The following C16orf89 variants were observed in gnomAD, a reference collection of about 807,000 sequenced individuals.
C16orf89 encodes UPF0764 protein C16orf89.
C16orf89 carries 57 observed loss-of-function variants against 41.5 expected under a neutral mutation model. That is an observed-to-expected ratio of 1.38 (90% CI 1.11 to 1.71). The LOEUF (loss-of-function observed/expected upper bound fraction) is 1.71. Among genes scored for constraint, C16orf89 ranks in the 40% most tolerant of loss-of-function variants. The pLI, the probability that C16orf89 is intolerant of heterozygous loss-of-function variation, is 0.00. For missense variants in C16orf89, 575 were observed against 445.9 expected (o/e 1.29, Z -2.61); for synonymous variants, 223 against 190.6 (o/e 1.17, Z -1.40).
Position 5,065,844 on chromosome 16 carries a change from G to C in C16orf89, c.65C>G (p.Ser22Ter). 6.2e-7 allele frequency: 1 copy of C among 1,614,248 alleles called. No homozygotes were observed. Among genetic ancestry groups the C allele is most frequent in the East Asian group, 2.2e-5 (1 of 44,892 alleles). The change falls in exon 1 of 8, where the codon TCA (serine) becomes TGA (stop). Residue 22 changes from serine to a stop codon, truncating the protein, a stop_gained. Coordinates refer to ENST00000472572, the MANE Select transcript of C16orf89 (RefSeq NM_001098514.3). LOFTEE classifies it high-confidence loss of function. ...TTCAGCAGTGTCCAGCCCAGGCAGT[G>C]AGGAGGACCACAGCGGTGGCAGTGC... ...LTALPPLWSS[S>*]LPGLDTAESK...
At position 5,055,781 on chromosome 16, in the gene C16orf89, A is replaced by C. The variant is rs79730909; in HGVS notation, c.763+272T>G. ...GGTAAAATACAGGATGCCCAGTTAC[A>C]TTTGAGTTTTCGATAAACAATGAAT... On this transcript the variant is annotated intron_variant, in intron 5 of 7. Transcript: ENST00000472572. 3.7e-3 allele frequency: 5,512 copies of C among 1,495,296 alleles called. 60 individuals are homozygous for C. Among genetic ancestry groups the C allele is most frequent in the African/African-American group, 0.032 (2,275 of 72,194 alleles). 92.6% of individuals were successfully genotyped at this position (1,495,296 alleles called of 1,614,324 possible).
intron 6 of C16orf89, among the ~76,000 whole-genome samples, chr16:5,050,193 C>A (rs570810596): frequency 3.9e-5 from 6 of 152,198 alleles, no homozygotes; most frequent in Admixed American, 3.9e-4. Context: ...TATGATGAAA[C>A]TCAGTCTTTA....
chr16:5,048,124 C>G (rs1022135083), intron 6 of C16orf89, among the ~76,000 whole-genome samples, 160 bp from the exon 7 acceptor site: 3 of 152,152 alleles, frequency 2.0e-5, no homozygotes, highest in Non-Finnish European at 4.4e-5. Context: ...AACTCCCAAG[C>G]TCACAGAATC....
chr16:5,046,570 C>A (rs1956302038), intron 7 of C16orf89, among the ~76,000 whole-genome samples: 1 of 152,032 alleles, frequency 6.6e-6, no homozygotes, highest in African/African-American at 2.4e-5. Flanking sequence ...AGGCTGGTCT[C>A]AAACTTCTGA....
intron 6 of C16orf89, among the ~76,000 whole-genome samples, chr16:5,049,242 A>T (rs1186742775): frequency 6.6e-6 from 1 of 152,238 alleles, no homozygotes; most frequent in Non-Finnish European, 1.5e-5. Flanking sequence ...ATAGACTCCA[A>T]TACAATAATA....
chr16:5,048,159 G>T (rs1441400500), intron 6 of C16orf89, among the ~76,000 whole-genome samples, 195 bp from the exon 7 acceptor site: 1 of 152,048 alleles, frequency 6.6e-6, no homozygotes, highest in African/African-American at 2.4e-5. Context: ...CTACCAAGTA[G>T]CTCGGACTAC....
At chr16:5,054,313 C>T (rs1024345469) in intron 6 of C16orf89, among the ~76,000 whole-genome samples, 10 of 152,054 alleles carry the variant, frequency 6.6e-5, no homozygotes, top group Admixed American at 1.3e-4. Flanking sequence ...AGGGGTGAAG[C>T]GACTTATTGC....
chr16:5,065,015 G>T (rs1956706576), intron 1 of C16orf89, among the ~76,000 whole-genome samples: 1 of 152,228 alleles, frequency 6.6e-6, no homozygotes, highest in Non-Finnish European at 1.5e-5. Flanking sequence ...ATGCGCCCCA[G>T]GAAGCACCCA....
downstream of C16orf89, chr16:5,043,075 T>G (rs1450357429): frequency 6.6e-6 from 1 of 151,294 alleles, no homozygotes; most frequent in Non-Finnish European, 1.5e-5. Context: ...TGGGTTTTGT[T>G]TTTTTTTTGA....
At chr16:5,062,827 G>C (rs1411860093) in intron 1 of C16orf89, among the ~76,000 whole-genome samples, 1 of 152,068 alleles carries the variant, frequency 6.6e-6, no homozygotes, top group African/African-American at 2.4e-5. Context: ...GGCGGGCCTG[G>C]GTTCAAATCT....
At chr16:5,049,500 G>C (rs1956359603) in intron 6 of C16orf89, among the ~76,000 whole-genome samples, 2 of 152,158 alleles carry the variant, frequency 1.3e-5, no homozygotes, top group African/African-American at 4.8e-5. Flanking sequence ...ATCATAGCAA[G>C]TATCTTCTTG....
At chr16:5,063,936 G>A (rs1208595273) in intron 1 of C16orf89, among the ~76,000 whole-genome samples, 3 of 152,104 alleles carry the variant, frequency 2.0e-5, no homozygotes, top group Admixed American at 2.0e-4. Flanking sequence ...AGACCAGCAT[G>A]GCCAACATGG....
At chr16:5,048,183 C>T (rs1211206353) in intron 6 of C16orf89, among the ~76,000 whole-genome samples, 3 of 152,058 alleles carry the variant, frequency 2.0e-5, no homozygotes, top group East Asian at 3.9e-4. Flanking sequence ...CATGGACTAC[C>T]ATGTCCAGCT....
chr16:5,053,677 G>A lies in C16orf89; in HGVS notation c.868+1569C>T, dbSNP rs1044642568. 2.0e-5 allele frequency among the ~76,000 whole-genome samples: 3 copies of A among 151,918 alleles called. No homozygotes were observed. In the South Asian group the frequency reaches 6.2e-4, roughly 32 times the overall value. ...TCCCACCTCATTCTCCCAAGTAGCC[G>A]GGACCATAGGTGTGCGCCACCACAC... On this transcript the variant is annotated intron_variant, in intron 6 of 7. Coordinates refer to ENST00000472572, the MANE Select transcript of C16orf89 (RefSeq NM_001098514.3).
intron 7 of C16orf89, among the ~76,000 whole-genome samples, chr16:5,046,605 C>T (rs1178002670): frequency 6.6e-6 from 1 of 152,128 alleles, no homozygotes; most frequent in African/African-American, 2.4e-5. Flanking sequence ...CCCGCCTTAG[C>T]CTCCCAAAGT....
At chr16:5,054,098 T>A (rs1306622218) in intron 6 of C16orf89, among the ~76,000 whole-genome samples, 1 of 152,174 alleles carries the variant, frequency 6.6e-6, no homozygotes, top group African/African-American at 2.4e-5. Context: ...ATAAACTCTT[T>A]TAAAAACGCA....
intron 2 of C16orf89, 121 bp downstream of exon 2, chr16:5,062,304 C>G (rs1956642389): frequency 9.5e-6 from 12 of 1,262,594 alleles, no homozygotes; most frequent in Non-Finnish European, 1.3e-5. Context: ...CAGACAGGTC[C>G]AAGTTGGTTA....
Position 5,062,522 on chromosome 16 carries a change from C to T in C16orf89, c.261G>A (p.Pro87=), listed in dbSNP as rs1555449540. 18 of 1,613,700 alleles carry T rather than the reference C, an allele frequency of 1.1e-5. No homozygotes were observed. The East Asian group carries it at 1.3e-4, about 12-fold the overall frequency. ...EKWAQEPLLQ[P]LSLRVGMLGE... ...CCAGCATCCCCACGCGCAGGCTCAG[C>T]GGCTGCAGCAGGGGCTCCTGGGCCC... Residue 87 remains proline (P), a synonymous_variant, in exon 2 of 8, where the codon CCG becomes CCA. Coordinates refer to ENST00000472572, the MANE Select transcript of C16orf89 (RefSeq NM_001098514.3).
intron 3 of C16orf89, among the ~76,000 whole-genome samples, chr16:5,058,898 T>C (rs1157645412): frequency 6.6e-6 from 1 of 151,950 alleles, no homozygotes; most frequent in East Asian, 2.0e-4. Flanking sequence ...CCCCGAACAG[T>C]GGGTACTTGA....
Sources: gnomAD v4.1 joint callset for allele counts (sites outside exome capture counted in the v4.1 genomes callset) on GRCh38, gnomAD v4.1.1 for gene constraint, MANE v1.5 for transcripts, NCBI Gene and HGNC (gene_info 2026-07-23, HGNC 2026-07-21) for gene names.